The following NEDD1 variants were observed in gnomAD, a reference collection of about 807,000 sequenced individuals.
The protein encoded by NEDD1 is protein NEDD1.
In NEDD1, 33 loss-of-function variants were observed where a neutral mutation model predicts 74.0. The ratio of observed to expected loss-of-function variants is 0.45; its 90% CI spans 0.34 to 0.60. The LOEUF (loss-of-function observed/expected upper bound fraction) is 0.60, where lower values mean the gene tolerates loss of function less well. Ranked by LOEUF, NEDD1 falls within the 20% of genes least tolerant of loss-of-function variation. The pLI, the probability that NEDD1 is intolerant of heterozygous loss-of-function variation, is 0.01. For synonymous variants in NEDD1, 250 were observed against 264.4 expected (o/e 0.95, Z 0.53); for missense variants, 746 against 776.5 (o/e 0.96, Z 0.47).
At chr12:96,927,191 A>G (rs527743700) in intron 6 of NEDD1, among the ~76,000 whole-genome samples, 3 of 152,230 alleles carry the variant, frequency 2.0e-5, no homozygotes, top group East Asian at 1.9e-4. Flanking sequence ...TTTTGCTTCT[A>G]TGAACAATCA....
Position 96,953,200 on chromosome 12 carries a change from TAC to T in NEDD1, c.*1148_*1149del, listed in dbSNP as rs1878859135. The T allele has an allele frequency of 6.7e-6, 1 of 149,878 alleles. No individual in the cohort carries two copies. The highest frequency in any genetic ancestry group is 6.7e-5 in the Admixed American group (1 of 14,936). 9.3% of individuals were successfully genotyped at this position (149,878 alleles called of 1,614,324 possible). On this transcript the variant is annotated 3_prime_UTR_variant, in exon 16 of 16. Transcript: ENST00000266742. ...TTTTGACTTCTGAGATGAAAGTATT[TAC>T]TAAAATTAAAAAAAAAAAAACAAAA...
chr12:96,939,394 T>A (rs1305630482), intron 9 of NEDD1, among the ~76,000 whole-genome samples: 1 of 152,108 alleles, frequency 6.6e-6, no homozygotes, highest in Non-Finnish European at 1.5e-5. Flanking sequence ...GAACTCTTGC[T>A]ATAGACACTC....
chr12:96,914,446 T>A (rs1874237211), intron 4 of NEDD1, among the ~76,000 whole-genome samples: 1 of 152,188 alleles, frequency 6.6e-6, no homozygotes, highest in Admixed American at 6.5e-5. Context: ...GTTAACAAAT[T>A]GTATCATAAT....
At chr12:96,943,531 T>C in intron 11 of NEDD1, 29 bp from the exon 12 acceptor site, 1 of 1,520,318 alleles carries the variant, frequency 6.6e-7, no homozygotes, top group Non-Finnish European at 9.1e-7. Context: ...GAGGACACCA[T>C]ATGCACATGC....
At chr12:96,908,404 A>T (rs1266566338) in intron 2 of NEDD1, among the ~76,000 whole-genome samples, 1 of 151,988 alleles carries the variant, frequency 6.6e-6, no homozygotes, top group African/African-American at 2.4e-5. Context: ...GTAGTCTTGC[A>T]CTTTCCATAC....
At chr12:96,945,315 T>C (rs527566424) in intron 13 of NEDD1, among the ~76,000 whole-genome samples, 11 of 152,246 alleles carry the variant, frequency 7.2e-5, no homozygotes, top group African/African-American at 2.6e-4. Flanking sequence ...CTCTAAGGCT[T>C]TTCCTGTAGC....
intron 6 of NEDD1, among the ~76,000 whole-genome samples, chr12:96,925,604 T>G (rs1295555955): frequency 6.6e-6 from 1 of 152,190 alleles, no homozygotes; most frequent in Non-Finnish European, 1.5e-5. Context: ...CTTTACACTA[T>G]TTTCTTGTCT....
rs1878810833 is a variant in NEDD1, at chr12:96,952,628, C to G, written c.*575C>G. 1 of 151,664 alleles carries G rather than the reference C, an allele frequency of 6.6e-6. No individual in the cohort carries two copies. The highest frequency in any genetic ancestry group is 6.6e-5 in the Admixed American group (1 of 15,196). 9.4% of individuals were successfully genotyped at this position (151,664 alleles called of 1,614,324 possible). A position where few individuals can be genotyped will look rare whatever the true frequency, so the allele number is the denominator to read the frequency against. ...ACAATTTTTGGAATTTTGAATTGCA[C>G]AAATTACATGATATCTTTTGCATTT... On this transcript the variant is annotated 3_prime_UTR_variant, in exon 16 of 16. Coordinates refer to ENST00000266742, the MANE Select transcript of NEDD1 (RefSeq NM_152905.4).
chr12:96,938,929 A>G (rs1877395732), intron 9 of NEDD1, among the ~76,000 whole-genome samples: 1 of 151,950 alleles, frequency 6.6e-6, no homozygotes, highest in Non-Finnish European at 1.5e-5. Flanking sequence ...CTTTTAGGCA[A>G]TTCTCTTAAC....
intron 6 of NEDD1, among the ~76,000 whole-genome samples, chr12:96,924,259 G>T (rs1003107764): frequency 1.1e-4 from 17 of 152,118 alleles, no homozygotes; most frequent in Non-Finnish European, 1.8e-4. Flanking sequence ...TAGCTTTATG[G>T]TAGATCGTGA....
chr12:96,920,713 C>T (rs1874985192), intron 6 of NEDD1, among the ~76,000 whole-genome samples: 1 of 152,184 alleles, frequency 6.6e-6, no homozygotes, highest in East Asian at 1.9e-4. Flanking sequence ...AGGAACCTAA[C>T]TCTTGGTTGA....
At chr12:96,943,409 C>T in intron 11 of NEDD1, 151 bp from the exon 12 acceptor site, 1 of 595,122 alleles carries the variant, frequency 1.7e-6, no homozygotes, top group Non-Finnish European at 3.0e-6. Context: ...AAATACACAT[C>T]AATTGCGGGG....
chr12:96,937,879 T>A (rs1037002644), intron 9 of NEDD1, among the ~76,000 whole-genome samples: 8 of 152,162 alleles, frequency 5.3e-5, no homozygotes, highest in Non-Finnish European at 8.8e-5. Context: ...ATTGATGTGT[T>A]ATATGATAAG....
chr12:96,936,611 G>A lies in NEDD1; in HGVS notation c.720G>A (p.Lys240=), dbSNP rs1877118980. 1 of 1,609,330 alleles carries A rather than the reference G, an allele frequency of 6.2e-7. No homozygotes were observed. Among genetic ancestry groups the A allele is most frequent in the Non-Finnish European group, 8.5e-7 (1 of 1,175,810 alleles). The change falls in exon 8 of 16, where the codon AAG becomes AAA. Residue 240 remains lysine, a splice_region_variant and synonymous_variant. Coordinates refer to ENST00000266742, the MANE Select transcript of NEDD1 (RefSeq NM_152905.4). ...RIILYDTSSK[K]LVKTLVADTP... ...ACATACTTTGTTCTCCTTTCCAAAGGCTAGTGAAAACTTTAGTGGCTGACA... is the reference window on the plus strand; with the variant it reads ...ACATACTTTGTTCTCCTTTCCAAAGACTAGTGAAAACTTTAGTGGCTGACA...
intron 5 of NEDD1, 32 bp downstream of exon 5, chr12:96,917,769 A>AATG (rs1874629153): frequency 6.5e-7 from 1 of 1,535,888 alleles, no homozygotes; most frequent in Non-Finnish European, 8.7e-7. Context: ...TTCATGAAAA[A>AATG]ATGGATATCT....
At position 96,942,633 on chromosome 12, in the gene NEDD1, T is replaced by TTCC. The variant is rs1877776908; in HGVS notation, c.1294+9_1294+10insTCC. ...CATAGGCAAAGGAGATGGTAAGAAC[T>TTCC]ACTTAGAAGTATTTTCGTGAAAATG... is the stretch of plus-strand genomic sequence containing the variant. On this transcript the variant is annotated intron_variant, in intron 11 of 15. Transcript: ENST00000266742. 7 of 1,372,572 alleles carry TTCC rather than the reference T, an allele frequency of 5.1e-6. No individual in the cohort carries two copies. The highest frequency in any genetic ancestry group is 5.1e-5 in the Admixed American group (3 of 58,838). 85.0% of individuals were successfully genotyped at this position (1,372,572 alleles called of 1,614,324 possible).
chr12:96,941,420 G>C (rs61938397), intron 10 of NEDD1, among the ~76,000 whole-genome samples: 1,618 of 152,140 alleles, frequency 0.011, 19 homozygotes, highest in Middle Eastern at 0.054. Flanking sequence ...AGTATCTTCT[G>C]CCTTACCCTG....
chr12:96,935,247 C>A, intron 7 of NEDD1, 42 bp downstream of exon 7: 2 of 1,151,664 alleles, frequency 1.7e-6, no homozygotes, highest in Non-Finnish European at 2.6e-6. Flanking sequence ...TAACAAATAG[C>A]TATTATTCCA....
intron 14 of NEDD1, among the ~76,000 whole-genome samples, chr12:96,949,766 A>G (rs1288666156): frequency 6.6e-6 from 1 of 152,146 alleles, no homozygotes; most frequent in Non-Finnish European, 1.5e-5. Context: ...ATAGAGAGGT[A>G]GCATTGCAGA....
Sources: allele counts gnomAD v4.1 joint callset (sites outside exome capture counted in the v4.1 genomes callset), GRCh38; gene constraint gnomAD v4.1.1; transcripts MANE v1.5; gene names NCBI Gene and HGNC (gene_info 2026-07-23, HGNC 2026-07-21).